The following MACROD2 variants were observed in gnomAD, a reference collection of about 807,000 sequenced individuals.
The protein encoded by MACROD2 is mono-ADP ribosylhydrolase 2.
MACROD2 carries 36 observed loss-of-function variants against 70.4 expected under a neutral mutation model. The ratio of observed to expected loss-of-function variants is 0.51; its 90% CI spans 0.39 to 0.68. The LOEUF is 0.68. Ranked by LOEUF, MACROD2 falls within the 30% of genes least tolerant of loss-of-function variation. MACROD2 has a pLI of 0.00. For synonymous variants in MACROD2, 172 were observed against 178.8 expected, an observed-to-expected ratio of 0.96 and a Z score of 0.30; for missense variants, 496 against 538.4, an observed-to-expected ratio of 0.92 and a Z score of 0.78.
At chr20:15,097,808 C>T (rs1367607154) in intron 5 of MACROD2, among the ~76,000 whole-genome samples, 7 of 152,140 alleles carry the variant, frequency 4.6e-5, no homozygotes, top group Admixed American at 4.6e-4. Context: ...TATCGACAAA[C>T]ACGTAGCTGG....
intron 5 of MACROD2, among the ~76,000 whole-genome samples, chr20:14,809,619 A>G (rs942668843): frequency 1.3e-5 from 2 of 151,950 alleles, no homozygotes; most frequent in African/African-American, 4.8e-5. Flanking sequence ...ACACAAAAAA[A>G]CTCTTCAAAA....
At chr20:15,179,331 A>G (rs2076484183) in intron 5 of MACROD2, among the ~76,000 whole-genome samples, 1 of 152,142 alleles carries the variant, frequency 6.6e-6, no homozygotes, top group South Asian at 2.1e-4. Context: ...GACAAGCCAG[A>G]TTGTTTAGTA....
intron 8 of MACROD2, among the ~76,000 whole-genome samples, chr20:15,502,763 G>A (rs942322297): frequency 6.6e-6 from 1 of 152,154 alleles, no homozygotes; most frequent in Non-Finnish European, 1.5e-5. Context: ...ATAGGGTTAT[G>A]CTGCAGTTAC....
intron 5 of MACROD2, among the ~76,000 whole-genome samples, chr20:15,228,487 C>CTTTTTTTT (rs527508760): frequency 4.5e-4 from 53 of 117,954 alleles, no homozygotes; most frequent in Non-Finnish European, 5.1e-4. Context: ...TTCCTTCTTT[C>CTTTTTTTT]TTTTTTTTTT....
chr20:15,336,353 GAATT>G (rs1266203003), intron 6 of MACROD2, among the ~76,000 whole-genome samples: 1 of 140,388 alleles, frequency 7.1e-6, no homozygotes, highest in African/African-American at 2.7e-5. Flanking sequence ...TTACAAACTA[GAATT>G]AATTGTGTGT....
intron 5 of MACROD2, among the ~76,000 whole-genome samples, chr20:15,148,507 A>C (rs188640332): frequency 2.8e-4 from 42 of 152,120 alleles, no homozygotes; most frequent in African/African-American, 9.4e-4. Context: ...ATCAGCTGTG[A>C]TGGCTTGGAA....
At chr20:15,623,157 T>C (rs547854233) in intron 8 of MACROD2, among the ~76,000 whole-genome samples, 1 of 152,240 alleles carries the variant, frequency 6.6e-6, no homozygotes, top group Non-Finnish European at 1.5e-5. Flanking sequence ...TGTGTGTTCA[T>C]GTTTTCATAT....
Position 14,316,053 on chromosome 20 carries a change from C to T in MACROD2, c.272-177426C>T, listed in dbSNP as rs74564597. 6.0e-4 allele frequency among the ~76,000 whole-genome samples: 92 copies of T among 152,310 alleles called. No individual in the cohort carries two copies. The East Asian group carries it at 0.011, about 18-fold the overall frequency. ...CTTGAGTTGTATGTCTCAACTTCAG[C>T]GCAAAGCTAGGAAAAAGCTTCAGTG... On this transcript the variant is annotated intron_variant, in intron 3 of 17. Transcript: ENST00000684519.
chr20:15,092,717 A>G (rs1326146413), intron 5 of MACROD2, among the ~76,000 whole-genome samples: 3 of 152,264 alleles, frequency 2.0e-5, no homozygotes, highest in East Asian at 3.9e-4. Flanking sequence ...AAATATAAAT[A>G]TTATAACCCT....
intron 6 of MACROD2, among the ~76,000 whole-genome samples, chr20:15,338,777 G>A (rs900822788): frequency 4.6e-5 from 7 of 151,636 alleles, no homozygotes; most frequent in Non-Finnish European, 1.0e-4. Context: ...CAGTTCTTAA[G>A]CACTCTGCCA....
chr20:15,551,231 C>T (rs1442035005), intron 8 of MACROD2, among the ~76,000 whole-genome samples: 1 of 151,922 alleles, frequency 6.6e-6, no homozygotes, highest in African/African-American at 2.4e-5. Flanking sequence ...CTTCAGAATC[C>T]TCTACAGAGT....
intron 5 of MACROD2, among the ~76,000 whole-genome samples, chr20:15,227,607 A>G (rs1568652150): frequency 1.3e-5 from 2 of 152,280 alleles, no homozygotes; most frequent in South Asian, 2.1e-4. Flanking sequence ...TGGGAACAAG[A>G]TTGCCAAAAT....
chr20:15,251,781 T>A (rs2077157919), intron 6 of MACROD2, among the ~76,000 whole-genome samples: 1 of 152,210 alleles, frequency 6.6e-6, no homozygotes, highest in Non-Finnish European at 1.5e-5. Context: ...ATCAAGTTAC[T>A]ATTTTAAATG....
At chr20:14,243,058 A>G (rs1330719273) in intron 3 of MACROD2, among the ~76,000 whole-genome samples, 1 of 152,140 alleles carries the variant, frequency 6.6e-6, no homozygotes, top group Non-Finnish European at 1.5e-5. Flanking sequence ...CAGTTATTGT[A>G]TGTTTTGGCT....
intron 8 of MACROD2, among the ~76,000 whole-genome samples, chr20:15,567,026 A>T (rs1396788930): frequency 6.6e-6 from 1 of 151,984 alleles, no homozygotes; most frequent in African/African-American, 2.4e-5. Flanking sequence ...TTTGTATTTT[A>T]CTAAGCAGAT....
chr20:15,313,550 G>A (rs2077776951), intron 6 of MACROD2, among the ~76,000 whole-genome samples: 1 of 150,790 alleles, frequency 6.6e-6, no homozygotes, highest in African/African-American at 2.4e-5. Context: ...AACTGAAGTT[G>A]ATTTCTTACT....
intron 4 of MACROD2, among the ~76,000 whole-genome samples, chr20:14,545,717 AAC>A (rs2085484591): frequency 6.6e-6 from 1 of 152,192 alleles, no homozygotes; most frequent in Non-Finnish European, 1.5e-5. Flanking sequence ...GTGTTGGGAA[AAC>A]ACTATTAATT....
chr20:15,514,651 A>T (rs1225339898), intron 8 of MACROD2, among the ~76,000 whole-genome samples: 1 of 152,214 alleles, frequency 6.6e-6, no homozygotes, highest in African/African-American at 2.4e-5. Context: ...ATAACCATAT[A>T]TAAATGAAAA....
intron 7 of MACROD2, among the ~76,000 whole-genome samples, chr20:15,471,990 T>C (rs73254704): frequency 0.054 from 8,178 of 152,242 alleles, 756 homozygotes; most frequent in African/African-American, 0.19. Context: ...GCTTATCTTC[T>C]ACCTTTCCTA....
Sources: allele counts gnomAD v4.1 joint callset (sites outside exome capture counted in the v4.1 genomes callset), GRCh38; gene constraint gnomAD v4.1.1; transcripts MANE v1.5; gene names NCBI Gene and HGNC (gene_info 2026-07-23, HGNC 2026-07-21).